The following ANKFY1 variants were observed in gnomAD, a reference collection of about 807,000 sequenced individuals.
ANKFY1 encodes the protein ankyrin repeat and FYVE domain-containing protein 1.
ANKFY1 carries 47 observed loss-of-function variants against 128.3 expected under a neutral mutation model. That is an observed-to-expected ratio of 0.37 (90% CI 0.29 to 0.47). ANKFY1 has a LOEUF of 0.47. Among genes scored for constraint, ANKFY1 ranks in the 20% least tolerant of loss-of-function variants. The pLI is 1.00. For synonymous variants in ANKFY1, 553 were observed against 601.6 expected (o/e 0.92, Z 1.18); for missense variants, 1,222 against 1,510.6 (o/e 0.81, Z 3.17).
intron 1 of ANKFY1, among the ~76,000 whole-genome samples, chr17:4,246,390 T>A (rs1482939312): frequency 6.6e-6 from 1 of 152,194 alleles, no homozygotes; most frequent in Non-Finnish European, 1.5e-5. Context: ...ACACAGTATA[T>A]TTCTCTACGA....
chr17:4,224,941 G>GTT (rs963635669), intron 3 of ANKFY1, among the ~76,000 whole-genome samples: 4,697 of 131,946 alleles, frequency 0.036, 268 homozygotes, highest in African/African-American at 0.12. Flanking sequence ...TTGAGTTGTC[G>GTT]TTTTTTTTTT....
At chr17:4,187,658 GT>G (rs914141836) in intron 11 of ANKFY1, 9 of 169,674 alleles carry the variant, frequency 5.3e-5, no homozygotes, top group Non-Finnish European at 1.1e-4. Context: ...CCCAAGGGAG[GT>G]TTTTTTTTGT....
chr17:4,193,297 C>G (rs947382570), intron 10 of ANKFY1, among the ~76,000 whole-genome samples: 1 of 152,090 alleles, frequency 6.6e-6, no homozygotes, highest in African/African-American at 2.4e-5. Context: ...GCTCTGTCAC[C>G]CAGGCTGGAG....
chr17:4,174,869 T>C (rs981279245), intron 19 of ANKFY1, among the ~76,000 whole-genome samples: 2 of 151,938 alleles, frequency 1.3e-5, no homozygotes, highest in Non-Finnish European at 2.9e-5. Context: ...ACCACAGGCA[T>C]GTGACCCTAT....
chr17:4,223,497 T>C, intron 3 of ANKFY1: 1 of 1,178,136 alleles, frequency 8.5e-7, no homozygotes, highest in Non-Finnish European at 1.3e-6. Flanking sequence ...ACTATCACTG[T>C]CTGGGGGACA....
chr17:4,244,887 T>A (rs963149300), intron 1 of ANKFY1, among the ~76,000 whole-genome samples: 5 of 152,110 alleles, frequency 3.3e-5, no homozygotes, highest in Admixed American at 3.3e-4. Flanking sequence ...TCTTATCTAT[T>A]AAAGCATCCC....
intron 2 of ANKFY1, among the ~76,000 whole-genome samples, chr17:4,241,828 G>A (rs539251690): frequency 4.2e-4 from 63 of 151,694 alleles, no homozygotes; most frequent in Admixed American, 9.2e-4. Context: ...GGTGGCTCAC[G>A]CTTGTAATCC....
At chr17:4,236,013 G>A in intron 2 of ANKFY1, 123 bp from the exon 3 acceptor site, 2 of 677,818 alleles carry the variant, frequency 3.0e-6, no homozygotes, top group Middle Eastern at 7.7e-4. Context: ...AAAAATTACA[G>A]CGAAGAATTA....
rs1396343704 is a variant in ANKFY1 at position 4,166,340 on chromosome 17, G to A, written c.*1439C>T. 2 of 152,582 alleles carry A rather than the reference G, an allele frequency of 1.3e-5. No individual in the cohort carries two copies. Among genetic ancestry groups the A allele is most frequent in the South Asian group, 2.1e-4 (1 of 4,826 alleles). The allele number at this position is 152,582 out of a possible 1,614,324, so 9.5% of individuals were successfully genotyped here. ...AACTTCATTAATGCAAAAAAATGTA[G>A]TGGTTATTAAATGTCTGAAAGAATC... is the stretch of plus-strand genomic sequence containing the variant. On this transcript the variant is annotated 3_prime_UTR_variant, in exon 25 of 25. Transcript: ENST00000341657.
chr17:4,253,945 C>G (rs1332406081), intron 1 of ANKFY1, among the ~76,000 whole-genome samples: 1 of 152,184 alleles, frequency 6.6e-6, no homozygotes, highest in Non-Finnish European at 1.5e-5. Context: ...ACAACAACAA[C>G]AACTAAGTGT....
At chr17:4,196,247 G>T (rs763466105) in intron 8 of ANKFY1, among the ~76,000 whole-genome samples, 4 of 151,288 alleles carry the variant, frequency 2.6e-5, no homozygotes, top group Non-Finnish European at 5.9e-5. Context: ...GCAGGGAAAG[G>T]GATGCAATTA....
rs1404866325 is a variant in ANKFY1, at chr17:4,164,569, G to A, written c.*3210C>T. ...ATTACCCTTCCTTGTTCCTGCTACT[G>A]TCACCTGGGAAGTTAGCGTTAGCTT... On this transcript the variant is annotated 3_prime_UTR_variant, in exon 25 of 25. Transcript: ENST00000341657. 1 of 152,282 alleles carries A rather than the reference G, an allele frequency of 6.6e-6. No homozygotes were observed. Among genetic ancestry groups the A allele is most frequent in the Non-Finnish European group, 1.5e-5 (1 of 68,066 alleles). The allele number at this position is 152,282 out of a possible 1,614,324, so 9.4% of individuals were successfully genotyped here.
At position 4,197,380 on chromosome 17, in the gene ANKFY1, T is replaced by C; in HGVS notation, c.1096A>G (p.Lys366Glu). The C allele has an allele frequency of 5.0e-6, 8 of 1,614,106 alleles. No homozygotes were observed. Among genetic ancestry groups the C allele is most frequent in the Non-Finnish European group, 6.8e-6 (8 of 1,180,034 alleles). ...GTCTGCTCCCCAGCTTACCTCCCCT[T>C]GCTGTCCTGCATGTTGGGGTTGGCA... The part of the protein sequence containing the change: ...AGANPNMQDS[K>E]GRTPLHVSIM... The change falls in exon 8 of 25, where the codon AAG (lysine) becomes GAG (glutamate). Residue 366 changes from lysine to glutamate, a missense_variant. Coordinates refer to ENST00000341657, the MANE Select transcript of ANKFY1 (RefSeq NM_001330063.2).
chr17:4,199,783 A>G (rs1378197176), intron 7 of ANKFY1, among the ~76,000 whole-genome samples: 3 of 152,258 alleles, frequency 2.0e-5, no homozygotes, highest in Non-Finnish European at 1.5e-5. Flanking sequence ...GTTAACTTGG[A>G]GGATGACAAG....
intron 6 of ANKFY1, among the ~76,000 whole-genome samples, 184 bp downstream of exon 6, chr17:4,207,749 G>A (rs2060051814): frequency 6.6e-6 from 1 of 151,956 alleles, no homozygotes; most frequent in Non-Finnish European, 1.5e-5. Flanking sequence ...ATGGGCTAAG[G>A]CTGGAAGAAT....
chr17:4,249,449 T>A (rs1277827916), intron 1 of ANKFY1, among the ~76,000 whole-genome samples: 1 of 152,196 alleles, frequency 6.6e-6, no homozygotes, highest in Non-Finnish European at 1.5e-5. Context: ...CTATAACATA[T>A]AAATAAATTC....
In ANKFY1 at chr17:4,200,343, C is replaced by T. The variant is rs1047173953; in HGVS notation, c.899-2766G>A. 2.6e-5 allele frequency among the ~76,000 whole-genome samples: 4 copies of T among 152,148 alleles called. No individual in the cohort carries two copies. The South Asian group carries it at 6.2e-4, about 24-fold the overall frequency. ...CCTCCCAAAGTGTTGGGATTACAGG[C>T]GTGAGCCACGGCACCTGGCCTGGAA... On this transcript the variant is annotated intron_variant, in intron 7 of 24. Coordinates refer to ENST00000341657, the MANE Select transcript of ANKFY1 (RefSeq NM_001330063.2).
chr17:4,173,424 G>T lies in ANKFY1; in HGVS notation c.2944C>A (p.His982Asn). Residue 982 changes from histidine to asparagine, a missense_variant, in exon 21 of 25, where the codon CAC becomes AAC. Physicochemically the swap from His to Asn is moderately conservative, Grantham distance 68. Coordinates refer to ENST00000341657, the MANE Select transcript of ANKFY1 (RefSeq NM_001330063.2). ...ACCCGGATGTTGTTGAGCCGGCCGT[G>T]CATGACAGCAAGATGAAGAGCTGGG... ...GNNALHLAVM[H>N]GRLNNIRVLL... is the part of the protein sequence containing the mutation. 1 of 1,614,170 alleles carries T rather than the reference G, an allele frequency of 6.2e-7. No homozygotes were observed.
chr17:4,170,924 G>C, intron 22 of ANKFY1, 63 bp from the exon 23 acceptor site: 3 of 1,609,872 alleles, frequency 1.9e-6, no homozygotes, highest in Non-Finnish European at 8.5e-7. Flanking sequence ...GCCACAGACG[G>C]AGGGCGGAGG....
Sources: gnomAD v4.1 joint callset for allele counts (sites outside exome capture counted in the v4.1 genomes callset) on GRCh38, gnomAD v4.1.1 for gene constraint, MANE v1.5 for transcripts, NCBI Gene and HGNC (gene_info 2026-07-23, HGNC 2026-07-21) for gene names.